Variants in OSBPL6 observed in about 807,000 individuals in gnomAD.
OSBPL6 encodes oxysterol-binding protein-related protein 6.
In OSBPL6, 49 loss-of-function variants were observed where a neutral mutation model predicts 125.8. The ratio of observed to expected loss-of-function variants is 0.39; its 90% CI spans 0.31 to 0.49. OSBPL6 has a LOEUF of 0.49. OSBPL6 is among the 20% of genes least tolerant of loss of function. OSBPL6 has a pLI of 0.88. For synonymous variants in OSBPL6, 394 were observed against 391.8 expected (o/e 1.01, Z -0.07); for missense variants, 986 against 1,135.4 (o/e 0.87, Z 1.89).
chr2:178,242,636 C>G (rs932374696), intron 1 of OSBPL6, among the ~76,000 whole-genome samples: 1 of 152,154 alleles, frequency 6.6e-6, no homozygotes, highest in South Asian at 2.1e-4. Flanking sequence ...AAAGTCAACC[C>G]TGGAATTAGA....
chr2:178,322,025 T>A (rs1440787470), intron 3 of OSBPL6, among the ~76,000 whole-genome samples: 8 of 152,218 alleles, frequency 5.3e-5, no homozygotes, highest in Admixed American at 4.6e-4. Flanking sequence ...CTGACCCACA[T>A]AATTCTGGCA....
At chr2:178,382,045 A>C (rs1282706713) in intron 15 of OSBPL6, among the ~76,000 whole-genome samples, 1 of 152,230 alleles carries the variant, frequency 6.6e-6, no homozygotes, top group Non-Finnish European at 1.5e-5. Context: ...TGAGTCCTCT[A>C]AGGTAGAGTC....
intron 5 of OSBPL6, among the ~76,000 whole-genome samples, chr2:178,329,747 G>A (rs1574885358): frequency 6.6e-6 from 1 of 152,116 alleles, no homozygotes; most frequent in East Asian, 1.9e-4. Context: ...GGGCCACCCA[G>A]TATCCTCTTT....
At chr2:178,226,043 A>G (rs1168119057) in intron 1 of OSBPL6, among the ~76,000 whole-genome samples, 2 of 152,200 alleles carry the variant, frequency 1.3e-5, no homozygotes, top group Non-Finnish European at 2.9e-5. Flanking sequence ...AGCTAGTAAC[A>G]GAAGGAACCA....
At chr2:178,354,155 A>C (rs1691554710) in intron 12 of OSBPL6, among the ~76,000 whole-genome samples, 1 of 152,258 alleles carries the variant, frequency 6.6e-6, no homozygotes, top group South Asian at 2.1e-4. Flanking sequence ...AAGACCATTG[A>C]TGCTATGAAG....
chr2:178,278,432 T>C (rs1574723408), intron 1 of OSBPL6, among the ~76,000 whole-genome samples: 1 of 152,230 alleles, frequency 6.6e-6, no homozygotes, highest in Non-Finnish European at 1.5e-5. Flanking sequence ...AACTACATAA[T>C]TGACTTACTG....
intron 1 of OSBPL6, among the ~76,000 whole-genome samples, chr2:178,212,159 C>T (rs1408065991): frequency 6.6e-6 from 1 of 152,138 alleles, no homozygotes; most frequent in Non-Finnish European, 1.5e-5. Flanking sequence ...TACAAATTGC[C>T]CTCTGAAGCT....
intron 1 of OSBPL6, among the ~76,000 whole-genome samples, chr2:178,260,903 T>G (rs2092036948): frequency 6.6e-6 from 1 of 152,150 alleles, no homozygotes; most frequent in African/African-American, 2.4e-5. Flanking sequence ...CCCAGCACCT[T>G]GGGAGGTTGA....
At chr2:178,218,127 G>C (rs2090165383) in intron 1 of OSBPL6, among the ~76,000 whole-genome samples, 1 of 152,146 alleles carries the variant, frequency 6.6e-6, no homozygotes, top group Non-Finnish European at 1.5e-5. Context: ...GTCCAAAAAA[G>C]TTTTAATTTC....
rs6742835 is a variant in OSBPL6, at chr2:178,321,745, C to G, written c.103-2432C>G. On this transcript the variant is annotated intron_variant, in intron 3 of 24. Transcript: ENST00000190611. ...TAACTTTTTCAGTAACAAATACATACATTAGTGATAATAAAAATATTCATT... is the reference window on the plus strand; with the variant it reads ...TAACTTTTTCAGTAACAAATACATAGATTAGTGATAATAAAAATATTCATT... Among the ~76,000 whole-genome samples, 396 of 152,238 alleles carry G rather than the reference C, an allele frequency of 2.6e-3. 2 individuals carry two copies. The highest frequency in any genetic ancestry group is 0.01 in the Middle Eastern group (3 of 294).
chr2:178,195,138 G>C (rs2088798326), intron 1 of OSBPL6, among the ~76,000 whole-genome samples: 1 of 152,216 alleles, frequency 6.6e-6, no homozygotes, highest in Non-Finnish European at 1.5e-5. Flanking sequence ...GAGAGCTAAC[G>C]CCTACGCCGC....
At chr2:178,221,803 G>A (rs1216503833) in intron 1 of OSBPL6, among the ~76,000 whole-genome samples, 1 of 152,296 alleles carries the variant, frequency 6.6e-6, no homozygotes, top group East Asian at 1.9e-4. Flanking sequence ...GAAGTAGCAT[G>A]TTTTAGATAC....
At chr2:178,354,741 T>C (rs946102157) in intron 12 of OSBPL6, among the ~76,000 whole-genome samples, 1 of 152,188 alleles carries the variant, frequency 6.6e-6, no homozygotes, top group African/African-American at 2.4e-5. Flanking sequence ...GCAGACCTAA[T>C]AGACATCTAC....
intron 17 of OSBPL6, 87 bp downstream of exon 17, chr2:178,383,364 G>A (rs753558683): frequency 1.1e-5 from 16 of 1,486,832 alleles, no homozygotes; most frequent in Non-Finnish European, 1.4e-5. Context: ...GATATATTTG[G>A]CATTTGCATA....
chr2:178,262,520 T>C (rs563181242), intron 1 of OSBPL6, among the ~76,000 whole-genome samples: 1 of 152,324 alleles, frequency 6.6e-6, no homozygotes, highest in Non-Finnish European at 1.5e-5. Flanking sequence ...AAATAAATGA[T>C]ACCAGAAGTG....
chr2:178,221,923 A>C lies in OSBPL6; in HGVS notation c.-351+27249A>C, dbSNP rs182474330. Among the ~76,000 whole-genome samples, 156 of 152,320 alleles carry C rather than the reference A, an allele frequency of 1.0e-3. 1 individual carries two copies. Among genetic ancestry groups the C allele is most frequent in the African/African-American group, 2.9e-3 (119 of 41,564 alleles). On this transcript the variant is annotated intron_variant, in intron 1 of 24. Transcript: ENST00000190611. ...GCCTTTATATTGTTCCCACTGGAGT[A>C]AATCACCAAGGAGTGCTGTGTTTGA...
At chr2:178,262,929 G>T (rs2092109274) in intron 1 of OSBPL6, among the ~76,000 whole-genome samples, 1 of 152,080 alleles carries the variant, frequency 6.6e-6, no homozygotes, top group South Asian at 2.1e-4. Flanking sequence ...ATTTAGAGTT[G>T]GAAAAAGTGC....
At chr2:178,225,425 G>A (rs1393761727) in intron 1 of OSBPL6, among the ~76,000 whole-genome samples, 2 of 152,130 alleles carry the variant, frequency 1.3e-5, no homozygotes, top group African/African-American at 4.8e-5. Flanking sequence ...GCTATCCAAG[G>A]TAGTCACTCC....
At chr2:178,280,838 T>A (rs1375727265) in intron 1 of OSBPL6, among the ~76,000 whole-genome samples, 1 of 152,192 alleles carries the variant, frequency 6.6e-6, no homozygotes, top group African/African-American at 2.4e-5. Flanking sequence ...TCGTTTAAGT[T>A]CCTTGTAGAC....
Sources: allele counts gnomAD v4.1 joint callset (sites outside exome capture counted in the v4.1 genomes callset), GRCh38; gene constraint gnomAD v4.1.1; transcripts MANE v1.5; gene names NCBI Gene and HGNC (gene_info 2026-07-23, HGNC 2026-07-21).